Variants in ACACA observed in about 807,000 individuals in gnomAD.
The protein encoded by ACACA is acetyl-CoA carboxylase 1.
A neutral mutation model predicts 296.1 loss-of-function variants in ACACA; 103 were observed. The ratio of observed to expected loss-of-function variants is 0.35; its 90% confidence interval spans 0.30 to 0.41. ACACA has a LOEUF of 0.41. Ranked by LOEUF, ACACA falls within the 10% of genes least tolerant of loss-of-function variation. The pLI, the probability that ACACA is intolerant of heterozygous loss-of-function variation, is 1.00. For synonymous variants in ACACA, 953 were observed against 1,038.6 expected (o/e 0.92, Z 1.58); for missense variants, 1,554 against 2,989.7 (o/e 0.52, Z 11.20).
intron 1 of ACACA, among the ~76,000 whole-genome samples, chr17:37,372,928 T>C (rs979943152): frequency 4.6e-5 from 7 of 152,032 alleles, no homozygotes; most frequent in African/African-American, 1.7e-4. Flanking sequence ...TCACCCAGGC[T>C]GGAGTGCAGT....
intron 3 of ACACA, among the ~76,000 whole-genome samples, chr17:37,325,176 G>C (rs565735708): frequency 6.0e-5 from 9 of 150,692 alleles, no homozygotes; most frequent in African/African-American, 2.2e-4. Context: ...ACTCTAGCCT[G>C]GGGACAGAGC....
rs576243589 is a variant in ACACA, at chr17:37,094,192, T to C, written c.6891+2804A>G. Among the ~76,000 whole-genome samples the C allele has an allele frequency of 5.9e-5, 9 of 152,308 alleles. No homozygotes were observed. The South Asian group carries it at 1.9e-3, about 32-fold the overall frequency. On this transcript the variant is annotated intron_variant, in intron 54 of 55. Coordinates refer to ENST00000616317, the MANE Select transcript of ACACA (RefSeq NM_198834.3). The stretch of plus-strand genomic sequence containing the variant: ...GCTTTGCTTCTGCCTGCAGTGAAAC[T>C]ATGAACCATAAATCCTACTATTTCC...
At chr17:37,259,577 C>G (rs1485360061) in intron 11 of ACACA, 47 bp from the exon 12 acceptor site, 1 of 1,605,556 alleles carries the variant, frequency 6.2e-7, no homozygotes, top group Non-Finnish European at 8.5e-7. Flanking sequence ...CCTTATCCAA[C>G]TGCTAGACCA....
intron 1 of ACACA, among the ~76,000 whole-genome samples, chr17:37,368,257 G>A (rs1218957797): frequency 1.3e-5 from 2 of 150,154 alleles, no homozygotes; most frequent in Non-Finnish European, 3.0e-5. Flanking sequence ...GGGTGACAGA[G>A]CGAGACTCCG....
intron 15 of ACACA, 55 bp downstream of exon 15, chr17:37,252,831 G>A (rs1192444980): frequency 1.2e-6 from 2 of 1,605,022 alleles, no homozygotes; most frequent in East Asian, 4.5e-5. Flanking sequence ...CAGGGATTGA[G>A]TACACAAGTC....
rs559850059 is a variant in ACACA at position 37,347,743 on chromosome 17, C to T, written c.39-7893G>A. ...CAAAGCATAACGCCATCCCTACTTA[C>T]GTAAAAAAAAAAAAAAGAAAGAAAG... On this transcript the variant is annotated intron_variant, in intron 1 of 55. Transcript: ENST00000616317. Among the ~76,000 whole-genome samples the T allele has an allele frequency of 2.2e-3, 256 of 114,972 alleles. 1 individual carries two copies. Among genetic ancestry groups the T allele is most frequent in the Admixed American group, 8.0e-3 (78 of 9,706 alleles). 75.4% of individuals were successfully genotyped at this position (114,972 alleles called of 152,430 possible). A position where few individuals can be genotyped will look rare whatever the true frequency, so the allele number is the denominator to read the frequency against.
At chr17:37,178,809 A>G (rs1205113708) in intron 41 of ACACA, among the ~76,000 whole-genome samples, 1 of 152,092 alleles carries the variant, frequency 6.6e-6, no homozygotes, top group East Asian at 1.9e-4. Context: ...TCAAAAAAAG[A>G]AAAAAGAAAA....
chr17:37,096,878 A>AT (rs1274228793), intron 54 of ACACA, 118 bp downstream of exon 54: 1 of 1,217,234 alleles, frequency 8.2e-7, no homozygotes, highest in Non-Finnish European at 1.2e-6. Flanking sequence ...TTGGATCTCT[A>AT]TGTTTCCCTT....
At chr17:37,270,604 C>T (rs954301949) in intron 10 of ACACA, 147 bp downstream of exon 10, 6 of 655,956 alleles carry the variant, frequency 9.1e-6, no homozygotes, top group African/African-American at 1.8e-5. Flanking sequence ...TGCTAATATG[C>T]AGGTAGAAAC....
chr17:37,278,718 T>G (rs1243830541), intron 5 of ACACA, among the ~76,000 whole-genome samples: 1 of 152,198 alleles, frequency 6.6e-6, no homozygotes, highest in Admixed American at 6.5e-5. Context: ...TTTAATTCTC[T>G]CATCAACCCA....
At chr17:37,134,462 C>T (rs2075248378) in intron 45 of ACACA, among the ~76,000 whole-genome samples, 1 of 152,180 alleles carries the variant, frequency 6.6e-6, no homozygotes, top group Non-Finnish European at 1.5e-5. Flanking sequence ...CCAAGTTTCA[C>T]AGATGCAACT....
intron 1 of ACACA, among the ~76,000 whole-genome samples, chr17:37,353,701 C>T (rs944613651): frequency 7.2e-6 from 1 of 139,810 alleles, no homozygotes; most frequent in African/African-American, 2.6e-5. Flanking sequence ...GAGTATTATA[C>T]TCTATTTCTA....
chr17:37,120,422 C>T (rs1567684292), intron 50 of ACACA, among the ~76,000 whole-genome samples: 2 of 152,060 alleles, frequency 1.3e-5, no homozygotes, highest in Admixed American at 6.5e-5. Flanking sequence ...CCCACCACCA[C>T]GCCAGCTAAG....
intron 27 of ACACA, among the ~76,000 whole-genome samples, chr17:37,224,537 A>T (rs548119700): frequency 6.6e-6 from 1 of 152,312 alleles, no homozygotes; most frequent in Non-Finnish European, 1.5e-5. Flanking sequence ...AATAATAAGC[A>T]TTAACATAAA....
At position 37,274,176 on chromosome 17, in the gene ACACA, T is replaced by TACAGGTA. The variant is rs767158786; in HGVS notation, c.1008+16_1008+17insTACCTGT. On this transcript the variant is annotated intron_variant, in intron 9 of 55. Transcript: ENST00000616317. ...TGGTCAGCTGAAAGGTATCACTCCC[T>TACAGGTA]GGAGTTAGTAACCTACCTGTAGCCC... The TACAGGTA allele has an allele frequency of 1.1e-5, 18 of 1,598,210 alleles. No homozygotes were observed. In the African/African-American group the frequency reaches 2.3e-4, roughly 20 times the overall value.
At chr17:37,093,799 A>G (rs1451997661) in intron 54 of ACACA, among the ~76,000 whole-genome samples, 1 of 152,124 alleles carries the variant, frequency 6.6e-6, no homozygotes, top group Non-Finnish European at 1.5e-5. Context: ...CATCTGACTT[A>G]TGCTCCATAC....
intron 33 of ACACA, among the ~76,000 whole-genome samples, chr17:37,204,553 T>G (rs891550702): frequency 1.2e-4 from 18 of 152,186 alleles, no homozygotes; most frequent in African/African-American, 3.9e-4. Flanking sequence ...AAAGGCATTA[T>G]TATTGCTAAT....
At chr17:37,148,494 CT>C (rs751762790) in intron 45 of ACACA, among the ~76,000 whole-genome samples, 21 of 152,194 alleles carry the variant, frequency 1.4e-4, no homozygotes, top group Non-Finnish European at 4.4e-5. Context: ...TCCACAAAAT[CT>C]AATTAAACCA....
At chr17:37,226,787 T>C (rs2079561980) in intron 25 of ACACA, among the ~76,000 whole-genome samples, 1 of 152,128 alleles carries the variant, frequency 6.6e-6, no homozygotes, top group Non-Finnish European at 1.5e-5. Context: ...TGTCTCAAAG[T>C]TTTAAGAGAA....
Sources: allele counts gnomAD v4.1 joint callset (sites outside exome capture counted in the v4.1 genomes callset), GRCh38; gene constraint gnomAD v4.1.1; transcripts MANE v1.5; gene names NCBI Gene and HGNC (gene_info 2026-07-23, HGNC 2026-07-21).